The following TRDN variants were observed in gnomAD, a reference collection of about 807,000 sequenced individuals.
TRDN encodes triadin.
A neutral mutation model predicts 149.7 loss-of-function variants in TRDN; 161 were observed. The observed-to-expected ratio is 1.08, with a 90% CI of 0.95 to 1.23. TRDN has a LOEUF of 1.23. Ranked by LOEUF, TRDN falls within the 50% of genes most tolerant of loss-of-function variation. TRDN has a pLI of 0.00. For missense variants in TRDN, 896 were observed against 823.5 expected (o/e 1.09, Z -1.08); for synonymous variants, 294 against 250.5 (o/e 1.17, Z -1.64).
At chr6:123,500,811 T>C (rs1441815874) in intron 8 of TRDN, among the ~76,000 whole-genome samples, 2 of 152,156 alleles carry the variant, frequency 1.3e-5, no homozygotes, top group African/African-American at 4.8e-5. Flanking sequence ...GGGGCACATG[T>C]GGTCCAGTAC....
At chr6:123,432,273 A>G (rs1482011744) in intron 12 of TRDN, among the ~76,000 whole-genome samples, 1 of 152,172 alleles carries the variant, frequency 6.6e-6, no homozygotes, top group East Asian at 1.9e-4. Context: ...CTCAGAATGT[A>G]TTTATTATTG....
intron 1 of TRDN, among the ~76,000 whole-genome samples, chr6:123,609,956 A>T (rs1198701504): frequency 2.0e-5 from 3 of 152,156 alleles, no homozygotes; most frequent in African/African-American, 7.2e-5. Context: ...CTTTCCAAAT[A>T]ATTAGAAGTA....
At chr6:123,466,556 T>C (rs1046320781) in intron 9 of TRDN, among the ~76,000 whole-genome samples, 1 of 151,740 alleles carries the variant, frequency 6.6e-6, no homozygotes, top group African/African-American at 2.4e-5. Context: ...CAGGAGTCCA[T>C]GACTATAGCT....
Position 123,554,824 on chromosome 6 carries a change from G to A in TRDN, c.233-6212C>T, listed in dbSNP as rs529992323. On this transcript the variant is annotated intron_variant, in intron 2 of 40. Transcript: ENST00000334268. ...AATGCTCTTTCCACTAAGTCAATAGGTTTCTTAGACTCAGAAATGTAGCTG... is the reference window on the plus strand; with the variant it reads ...AATGCTCTTTCCACTAAGTCAATAGATTTCTTAGACTCAGAAATGTAGCTG... Among the ~76,000 whole-genome samples, 8 of 152,104 alleles carry A rather than the reference G, an allele frequency of 5.3e-5. No homozygotes were observed. In the South Asian group the frequency reaches 1.4e-3, roughly 28 times the overall value.
At chr6:123,415,969 A>C (rs1276220451) in intron 12 of TRDN, among the ~76,000 whole-genome samples, 1 of 152,210 alleles carries the variant, frequency 6.6e-6, no homozygotes, top group Admixed American at 6.5e-5. Context: ...AAGTTTTAGC[A>C]CTGCTGGGCC....
chr6:123,547,847 C>T (rs6905496), intron 3 of TRDN, among the ~76,000 whole-genome samples: 81,194 of 151,670 alleles, frequency 0.54, 22,628 homozygotes, highest in African/African-American at 0.61. Context: ...TCAATGGCAG[C>T]TTTTATGTGG....
At chr6:123,275,873 A>G (rs1047140806) in intron 26 of TRDN, among the ~76,000 whole-genome samples, 2 of 152,164 alleles carry the variant, frequency 1.3e-5, no homozygotes, top group Non-Finnish European at 2.9e-5. Flanking sequence ...AATATCACAG[A>G]CTGGGTAATT....
At position 123,563,315 on chromosome 6, in the gene TRDN, C is replaced by T. The variant is rs548557349; in HGVS notation, c.232+7608G>A. Among the ~76,000 whole-genome samples the T allele has an allele frequency of 3.9e-5, 6 of 152,256 alleles. No individual in the cohort carries two copies. The East Asian group carries it at 9.6e-4, about 24-fold the overall frequency. ...ATACTTCCAGCTAACTGGAGCTAGACCTATGTCAAATAACGGGCACTTTAT... is the reference window on the plus strand; with the variant it reads ...ATACTTCCAGCTAACTGGAGCTAGATCTATGTCAAATAACGGGCACTTTAT... On this transcript the variant is annotated intron_variant, in intron 2 of 40. Transcript: ENST00000334268.
At chr6:123,602,756 T>C (rs749440186) in intron 1 of TRDN, among the ~76,000 whole-genome samples, 1 of 152,050 alleles carries the variant, frequency 6.6e-6, no homozygotes, top group African/African-American at 2.4e-5. Context: ...CCTGCACTTA[T>C]GGTGGAAAGA....
chr6:123,419,162 G>A (rs1367818062), intron 12 of TRDN, among the ~76,000 whole-genome samples: 1 of 151,976 alleles, frequency 6.6e-6, no homozygotes, highest in African/African-American at 2.4e-5. Context: ...GCTGAGAGGT[G>A]GTGGATCCCC....
At chr6:123,544,858 G>A (rs1040492268) in intron 4 of TRDN, among the ~76,000 whole-genome samples, 2 of 151,916 alleles carry the variant, frequency 1.3e-5, no homozygotes, top group African/African-American at 4.8e-5. Flanking sequence ...CCACAGGCTA[G>A]CAGAATCAAA....
intron 13 of TRDN, 104 bp from the exon 14 acceptor site, chr6:123,388,655 C>T: frequency 8.2e-7 from 1 of 1,216,054 alleles, no homozygotes; most frequent in Non-Finnish European, 1.2e-6. Context: ...TCAGTGGTCA[C>T]CTATACACTA....
Position 123,548,600 on chromosome 6 carries a change from G to A in TRDN, c.245C>T (p.Ala82Val), listed in dbSNP as rs1230125374. 2.1e-6 allele frequency: 3 copies of A among 1,427,606 alleles called. No individual in the cohort carries two copies. The highest frequency in any genetic ancestry group is 3.0e-5 in the Admixed American group (1 of 33,022). 88.4% of individuals were successfully genotyped at this position (1,427,606 alleles called of 1,614,324 possible). A position where few individuals can be genotyped will look rare whatever the true frequency, so the allele number is the denominator to read the frequency against. ...DYKNFSASSIAKIGSDPLKLV... is the reference protein window; with the variant it reads ...DYKNFSASSIVKIGSDPLKLV... ...TTTTAAAGGATCTGAGCCAATCTTG[G>A]CAATAGAGCTTGCTAAAAGTAATTA... Residue 82 changes from alanine (A) to valine (V), a missense_variant, in exon 3 of 41, where the codon GCC becomes GTC. Coordinates refer to ENST00000334268, the MANE Select transcript of TRDN (RefSeq NM_006073.4).
chr6:123,406,511 C>T (rs1323898379), intron 12 of TRDN, among the ~76,000 whole-genome samples: 1 of 151,746 alleles, frequency 6.6e-6, no homozygotes, highest in East Asian at 1.9e-4. Context: ...CAATTTTAAA[C>T]TATAAATTTT....
At chr6:123,539,835 C>T (rs1205022049) in intron 4 of TRDN, among the ~76,000 whole-genome samples, 1 of 152,162 alleles carries the variant, frequency 6.6e-6, no homozygotes, top group Non-Finnish European at 1.5e-5. Flanking sequence ...CCTCAGGATG[C>T]ATAAAATTCC....
intron 40 of TRDN, 21 bp from the exon 41 acceptor site, chr6:123,218,761 G>A (rs1562215057): frequency 3.9e-6 from 6 of 1,549,902 alleles, no homozygotes; most frequent in African/African-American, 2.7e-5. Context: ...GAGCATGACA[G>A]TTTGTTAAAA....
chr6:123,496,057 CATTAATATT>C lies in TRDN; in HGVS notation c.853+1127_853+1135del, dbSNP rs1161937549. Among the ~76,000 whole-genome samples the C allele has an allele frequency of 3.0e-3, 433 of 145,932 alleles. 5 individuals carry two copies. The highest frequency in any genetic ancestry group is 0.014 in the Middle Eastern group (4 of 278). On this transcript the variant is annotated intron_variant, in intron 9 of 40. Transcript: ENST00000334268. ...TTAATATATTATTAATAATATATAT[CATTAATATT>C]ATTAATATTAATATAATATATTAAT...
intron 1 of TRDN, among the ~76,000 whole-genome samples, chr6:123,601,482 T>C (rs913212943): frequency 6.6e-6 from 1 of 152,150 alleles, no homozygotes; most frequent in South Asian, 2.1e-4. Flanking sequence ...CTATATTTTT[T>C]AACACTAAAT....
intron 10 of TRDN, among the ~76,000 whole-genome samples, chr6:123,445,794 T>G (rs1301553593): frequency 3.5e-5 from 4 of 114,672 alleles, no homozygotes; most frequent in African/African-American, 8.0e-5. Context: ...GGTGGGACTG[T>G]AAACTAGTTC....
Sources: allele counts gnomAD v4.1 joint callset (sites outside exome capture counted in the v4.1 genomes callset), GRCh38; gene constraint gnomAD v4.1.1; transcripts MANE v1.5; gene names NCBI Gene and HGNC (gene_info 2026-07-23, HGNC 2026-07-21).